Variants in HIVEP3 observed in about 807,000 individuals in gnomAD.
The protein encoded by HIVEP3 is transcription factor HIVEP3.
HIVEP3 carries 49 observed loss-of-function variants against 152.8 expected under a neutral mutation model. The observed-to-expected ratio is 0.32, with a 90% CI of 0.26 to 0.41. The LOEUF (loss-of-function observed/expected upper bound fraction) is 0.41. Ranked by LOEUF, HIVEP3 falls within the 10% of genes least tolerant of loss-of-function variation. HIVEP3 has a pLI of 1.00. For synonymous variants in HIVEP3, 1,269 were observed against 1,289.0 expected, an observed-to-expected ratio of 0.98 and a Z score of 0.33; for missense variants, 2,790 against 3,103.3, an observed-to-expected ratio of 0.90 and a Z score of 2.40.
chr1:41,778,473 G>A (rs1032830129), intron 1 of HIVEP3, among the ~76,000 whole-genome samples: 3 of 152,216 alleles, frequency 2.0e-5, no homozygotes, highest in African/African-American at 7.2e-5. Flanking sequence ...ATACCTGGGA[G>A]TGCAGCTGGG....
chr1:41,608,099 T>C (rs1296653749), intron 3 of HIVEP3, among the ~76,000 whole-genome samples: 1 of 152,182 alleles, frequency 6.6e-6, no homozygotes, highest in African/African-American at 2.4e-5. Context: ...AAAAAAGATA[T>C]AAGTGGAATA....
chr1:41,919,016 G>C (rs753350190), upstream of HIVEP3, among the ~76,000 whole-genome samples: 18 of 152,164 alleles, frequency 1.2e-4, no homozygotes, highest in Non-Finnish European at 1.9e-4. Context: ...CCAGTCCCAT[G>C]CCTAAAGGCA....
chr1:42,003,227 C>G (rs192344142), intron 1 of HIVEP3, among the ~76,000 whole-genome samples: 2 of 152,100 alleles, frequency 1.3e-5, no homozygotes, highest in African/African-American at 4.8e-5. Flanking sequence ...CAGGTGTGCA[C>G]CACCACGCTC....
chr1:41,520,328 C>A (rs984344564), intron 6 of HIVEP3, among the ~76,000 whole-genome samples: 1 of 152,124 alleles, frequency 6.6e-6, no homozygotes, highest in African/African-American at 2.4e-5. Context: ...TCTATCCTTC[C>A]CAATTTGGGT....
chr1:41,583,971 G>C lies in HIVEP3; in HGVS notation c.827C>G (p.Pro276Arg). 6.2e-7 allele frequency: 1 copy of C among 1,614,152 alleles called. No homozygotes were observed. The highest frequency in any genetic ancestry group is 8.5e-7 in the Non-Finnish European group (1 of 1,180,024). ...ERIPGEEFEE[P>R]TEGESTDSEE... ...AGAATCTGTGCTTTCTCCCTCAGTG[G>C]GCTCCTCAAACTCTTCCCCAGGGAT... The change falls in exon 4 of 9, where the codon CCC (proline) becomes CGC (arginine). Residue 276 changes from proline (P) to arginine (R), a missense_variant. Pro to Arg is a moderately radical substitution (Grantham distance 103). Around this residue, in one of 9 missense-constraint regions of HIVEP3, gnomAD observed 125 missense variants for 130.1 expected, o/e 0.96. Coordinates refer to ENST00000372583, the MANE Select transcript of HIVEP3 (RefSeq NM_024503.5). The surrounding 1 kb of genome is among the most constrained non-coding windows in gnomAD (Gnocchi z 6.9).
intron 1 of HIVEP3, among the ~76,000 whole-genome samples, chr1:41,962,425 A>C (rs905250477): frequency 2.0e-5 from 3 of 152,364 alleles, no homozygotes; most frequent in Non-Finnish European, 4.4e-5. Flanking sequence ...TGATCAGGAA[A>C]AATAAGGAAA....
chr1:41,760,907 C>A lies in HIVEP3; in HGVS notation c.-800-59912G>T, dbSNP rs139975671. On this transcript the variant is annotated intron_variant, in intron 1 of 8. Coordinates refer to ENST00000372583, the MANE Select transcript of HIVEP3 (RefSeq NM_024503.5). The stretch of plus-strand genomic sequence containing the variant: ...TAGGCATGGACTCTCCTCCCATGAC[C>A]CTCAAACATGTCCCGTCTGTCTCCC... Among the ~76,000 whole-genome samples, 4 of 152,178 alleles carry A rather than the reference C, an allele frequency of 2.6e-5. No homozygotes were observed. The East Asian group carries it at 7.7e-4, about 29-fold the overall frequency.
chr1:41,931,964 A>T (rs766112017), intron 1 of HIVEP3, among the ~76,000 whole-genome samples: 1 of 151,774 alleles, frequency 6.6e-6, no homozygotes, highest in Non-Finnish European at 1.5e-5. Context: ...ATTGTACTAT[A>T]GGACTTTCCA....
At chr1:41,521,862 C>A (rs1260182036) in intron 6 of HIVEP3, among the ~76,000 whole-genome samples, 2 of 152,260 alleles carry the variant, frequency 1.3e-5, no homozygotes, top group East Asian at 3.8e-4. Flanking sequence ...GTGCAAGGGC[C>A]TGGACATGGC....
intron 1 of HIVEP3, among the ~76,000 whole-genome samples, chr1:41,924,065 G>C (rs1557524905): frequency 6.6e-6 from 1 of 152,138 alleles, no homozygotes; most frequent in Non-Finnish European, 1.5e-5. Flanking sequence ...TAATGATCTT[G>C]AGATGAGGAG....
At chr1:41,565,695 T>A (rs1444911871) in intron 5 of HIVEP3, among the ~76,000 whole-genome samples, 1 of 152,074 alleles carries the variant, frequency 6.6e-6, no homozygotes, top group Non-Finnish European at 1.5e-5. Flanking sequence ...GAGGCCAGGA[T>A]CCAGGCAGAC....
At chr1:41,629,023 T>C in intron 2 of HIVEP3, 76 bp from the exon 3 acceptor site, 1 of 1,130,520 alleles carries the variant, frequency 8.8e-7, no homozygotes, top group Non-Finnish European at 1.1e-6. Context: ...AATCCCTGCC[T>C]GGTCCCTGGA....
At chr1:41,663,073 G>C (rs1217627104) in intron 2 of HIVEP3, among the ~76,000 whole-genome samples, 1 of 152,248 alleles carries the variant, frequency 6.6e-6, no homozygotes, top group Non-Finnish European at 1.5e-5. Flanking sequence ...ATTTGGGCCT[G>C]AGTCACTCTG....
At chr1:41,998,234 C>T (rs1347574304) in intron 1 of HIVEP3, among the ~76,000 whole-genome samples, 1 of 152,110 alleles carries the variant, frequency 6.6e-6, no homozygotes, top group African/African-American at 2.4e-5. Flanking sequence ...GTTCATAGTT[C>T]ATGTCAAAAA....
intron 1 of HIVEP3, among the ~76,000 whole-genome samples, chr1:41,828,895 A>G (rs1642880051): frequency 1.3e-5 from 2 of 152,250 alleles, no homozygotes; most frequent in Non-Finnish European, 2.9e-5. Context: ...TGGCATACAC[A>G]ATATTTTATA....
At chr1:41,990,281 T>C (rs348134) in intron 1 of HIVEP3, among the ~76,000 whole-genome samples, 140,924 of 141,900 alleles carry the variant, frequency 0.99, 69,982 homozygotes, top group South Asian at 1. Context: ...GGGTTTCTGC[T>C]GAGAGATCTG....
intron 5 of HIVEP3, among the ~76,000 whole-genome samples, chr1:41,560,383 G>T (rs1473231524): frequency 6.6e-6 from 1 of 152,154 alleles, no homozygotes; most frequent in East Asian, 1.9e-4. Context: ...AAGGATGCAG[G>T]TCATTGGCTG....
At chr1:41,812,691 G>A (rs1049706866) in intron 1 of HIVEP3, among the ~76,000 whole-genome samples, 1 of 151,614 alleles carries the variant, frequency 6.6e-6, no homozygotes, top group African/African-American at 2.4e-5. Flanking sequence ...GGTGGGGGGG[G>A]ACCTGGGCTG....
chr1:41,833,847 T>C (rs1012554190), intron 1 of HIVEP3, among the ~76,000 whole-genome samples: 1 of 152,180 alleles, frequency 6.6e-6, no homozygotes, highest in African/African-American at 2.4e-5. Flanking sequence ...ATCCAAGATC[T>C]GATAAACACA....
Sources: gnomAD v4.1 joint callset for allele counts (sites outside exome capture counted in the v4.1 genomes callset) on GRCh38, gnomAD v4.1.1 for gene constraint, gnomAD v4.1.1 regional missense constraint, Gnocchi (gnomAD v3.1) non-coding constraint, MANE v1.5 for transcripts, NCBI Gene and HGNC (gene_info 2026-07-23, HGNC 2026-07-21) for gene names.